MYO1H: variants seen among roughly 807,000 people sequenced by gnomAD.
MYO1H encodes myosin IH.
MYO1H carries 118 observed loss-of-function variants against 149.3 expected under a neutral mutation model. The observed-to-expected ratio is 0.79, with a 90% CI of 0.68 to 0.92. The LOEUF (loss-of-function observed/expected upper bound fraction) is 0.92, where lower values mean the gene tolerates loss of function less well. Among genes scored for constraint, MYO1H ranks in the 40% least tolerant of loss-of-function variants. MYO1H has a pLI of 0.00. For missense variants in MYO1H, 1,212 were observed against 1,280.7 expected (o/e 0.95, Z 0.82); for synonymous variants, 447 against 465.2 (o/e 0.96, Z 0.50).
chr12:109,385,290 C>T (rs1383363533), intron 1 of MYO1H, among the ~76,000 whole-genome samples: 3 of 142,002 alleles, frequency 2.1e-5, no homozygotes, highest in African/African-American at 5.0e-5. Flanking sequence ...TTTTTTCTTT[C>T]TTTCTTTTCT....
intron 1 of MYO1H, among the ~76,000 whole-genome samples, chr12:109,352,035 G>A (rs1445094125): frequency 1.3e-5 from 2 of 152,140 alleles, no homozygotes; most frequent in Non-Finnish European, 2.9e-5. Context: ...GCTTCAGAAT[G>A]TAACTTTTAC....
At chr12:109,426,914 C>T (rs1246098569) in intron 18 of MYO1H, among the ~76,000 whole-genome samples, 1 of 152,170 alleles carries the variant, frequency 6.6e-6, no homozygotes, top group Non-Finnish European at 1.5e-5. Flanking sequence ...TACTCCTCTC[C>T]TGCCAGCTGT....
intron 1 of MYO1H, among the ~76,000 whole-genome samples, chr12:109,369,129 A>G (rs1868930708): frequency 6.6e-6 from 1 of 152,090 alleles, no homozygotes; most frequent in African/African-American, 2.4e-5. Context: ...CTGGGATTAC[A>G]GGCATGTGCC....
chr12:109,388,871 T>C (rs767674175), intron 2 of MYO1H, 27 bp downstream of exon 2: 18 of 1,579,844 alleles, frequency 1.1e-5, no homozygotes, highest in Middle Eastern at 1.7e-4. Flanking sequence ...CTCAGCTGTT[T>C]TTCTAGGGTG....
intron 1 of MYO1H, among the ~76,000 whole-genome samples, chr12:109,369,362 C>T (rs1868935697): frequency 1.3e-5 from 2 of 152,150 alleles, no homozygotes; most frequent in South Asian, 4.1e-4. Context: ...CATGCTGCAT[C>T]TTATGTGATT....
At chr12:109,389,138 TCTCTG>T (rs1869522267) in intron 2 of MYO1H, among the ~76,000 whole-genome samples, 2 of 152,166 alleles carry the variant, frequency 1.3e-5, no homozygotes, top group Admixed American at 6.5e-5. Context: ...TCCTTCTCAA[TCTCTG>T]CTCTGCTTTC....
intron 16 of MYO1H, among the ~76,000 whole-genome samples, chr12:109,422,870 T>C (rs1366086514): frequency 1.3e-5 from 2 of 152,088 alleles, no homozygotes; most frequent in East Asian, 3.9e-4. Flanking sequence ...GCCCAGGAGC[T>C]TGAACCCAGC....
At chr12:109,425,755 A>T (rs1433481946) in intron 17 of MYO1H, among the ~76,000 whole-genome samples, 191 bp from the exon 18 acceptor site, 3 of 152,168 alleles carry the variant, frequency 2.0e-5, no homozygotes, top group African/African-American at 4.8e-5. Flanking sequence ...GACCAGACCA[A>T]GACTGGCCTT....
chr12:109,393,237 A>G (rs1162951677), intron 2 of MYO1H, 94 bp from the exon 3 acceptor site: 1 of 772,120 alleles, frequency 1.3e-6, no homozygotes, highest in Non-Finnish European at 2.2e-6. Context: ...ATCATTTTAA[A>G]TCCTCCATGT....
At chr12:109,342,464 ATATT>A in the MYO1H span, among the ~76,000 whole-genome samples, 1 of 140,820 alleles carries the variant, frequency 7.1e-6, no homozygotes, top group Non-Finnish European at 1.6e-5. Context: ...TTTAATGTAT[ATATT>A]CATTTTCTTT....
chr12:109,403,231 A>G (rs539339516), intron 6 of MYO1H, among the ~76,000 whole-genome samples: 3 of 152,230 alleles, frequency 2.0e-5, no homozygotes, highest in South Asian at 4.1e-4. Flanking sequence ...CACAACGTGC[A>G]GGTTAGTTAC....
chr12:109,344,953 A>G (rs2048098188), upstream of MYO1H, among the ~76,000 whole-genome samples: 1 of 152,234 alleles, frequency 6.6e-6, no homozygotes, highest in Non-Finnish European at 1.5e-5. Flanking sequence ...TCTCCTTCAC[A>G]TAATACACAA....
chr12:109,403,761 G>T (rs568950666), intron 6 of MYO1H, among the ~76,000 whole-genome samples: 1 of 152,260 alleles, frequency 6.6e-6, no homozygotes, highest in African/African-American at 2.4e-5. Flanking sequence ...AACTTGGAAT[G>T]TTTTCCCAGA....
intron 26 of MYO1H, 104 bp downstream of exon 26, chr12:109,441,812 C>T (rs1412582643): frequency 1.5e-5 from 11 of 727,462 alleles, no homozygotes; most frequent in Non-Finnish European, 2.5e-5. Flanking sequence ...TTTGGGAGGC[C>T]GAGGTGGGCG....
At chr12:109,384,030 A>G (rs1869257097) in intron 1 of MYO1H, among the ~76,000 whole-genome samples, 1 of 152,244 alleles carries the variant, frequency 6.6e-6, no homozygotes, top group Admixed American at 6.5e-5. Context: ...AATGTCCTGC[A>G]AGGGTAAATT....
intron 1 of MYO1H, among the ~76,000 whole-genome samples, chr12:109,380,129 G>A (rs1164414013): frequency 4.0e-5 from 6 of 151,496 alleles, no homozygotes; most frequent in Admixed American, 6.6e-5. Context: ...TCCTGGCCTC[G>A]AGTGATCCTC....
At position 109,369,151 on chromosome 12, in the gene MYO1H, C is replaced by A. The variant is rs148799480; in HGVS notation, c.13-19532C>A. ...TACAGGCATGTGCCACCACACCTGG[C>A]TAATTTTTGTACTTTTACTAGAGAC... is the stretch of plus-strand genomic sequence containing the variant. On this transcript the variant is annotated intron_variant, in intron 1 of 31. Coordinates refer to ENST00000310903, the Ensembl canonical transcript of MYO1H. Among the ~76,000 whole-genome samples the A allele has an allele frequency of 9.5e-3, 1,448 of 152,176 alleles. 20 individuals are homozygous for A. The highest frequency in any genetic ancestry group is 0.033 in the African/African-American group (1,359 of 41,498).
chr12:109,403,880 G>A (rs1592796199), intron 6 of MYO1H, 102 bp from the exon 7 acceptor site: 1 of 710,932 alleles, frequency 1.4e-6, no homozygotes. Context: ...TCGCAATTCA[G>A]TACATTATAT....
chr12:109,425,199 T>C (rs1391606670), intron 17 of MYO1H, among the ~76,000 whole-genome samples: 1 of 152,144 alleles, frequency 6.6e-6, no homozygotes, highest in Non-Finnish European at 1.5e-5. Context: ...CCAGGTGCAG[T>C]GGTGTGCATC....
Sources: gnomAD v4.1 joint callset for allele counts (sites outside exome capture counted in the v4.1 genomes callset) on GRCh38, gnomAD v4.1.1 for gene constraint, MANE v1.5 for transcripts, NCBI Gene and HGNC (gene_info 2026-07-23, HGNC 2026-07-21) for gene names.